CCDC85A: variants seen among roughly 807,000 people sequenced by gnomAD.
CCDC85A encodes the protein coiled-coil domain-containing protein 85A.
CCDC85A carries 38 observed loss-of-function variants against 50.2 expected under a neutral mutation model. The observed-to-expected ratio is 0.76, with a 90% CI of 0.58 to 0.99. The LOEUF (loss-of-function observed/expected upper bound fraction) is 0.99. Ranked by LOEUF, CCDC85A falls within the 50% of genes least tolerant of loss-of-function variation. The pLI is 0.00. For missense variants in CCDC85A, 820 were observed against 742.0 expected, an observed-to-expected ratio of 1.11 and a Z score of -1.22; for synonymous variants, 366 against 301.4, an observed-to-expected ratio of 1.21 and a Z score of -2.22.
intron 2 of CCDC85A, among the ~76,000 whole-genome samples, chr2:56,218,289 A>G (rs1466848916): frequency 2.0e-5 from 3 of 151,858 alleles, no homozygotes; most frequent in African/African-American, 7.3e-5. Flanking sequence ...ATATATGTAA[A>G]AGAAAGAATA....
intron 3 of CCDC85A, among the ~76,000 whole-genome samples, chr2:56,345,239 G>A (rs180852591): frequency 6.6e-6 from 1 of 152,220 alleles, no homozygotes; most frequent in African/African-American, 2.4e-5. Flanking sequence ...GAAAGATCAT[G>A]TTTTATTGAT....
At chr2:56,277,840 T>C (rs1313884161) in intron 2 of CCDC85A, among the ~76,000 whole-genome samples, 1 of 152,256 alleles carries the variant, frequency 6.6e-6, no homozygotes, top group East Asian at 1.9e-4. Context: ...CCCTAGGTTC[T>C]ACAAGATGGT....
chr2:56,188,920 C>T (rs1176180022), intron 1 of CCDC85A, among the ~76,000 whole-genome samples: 1 of 152,206 alleles, frequency 6.6e-6, no homozygotes, highest in Non-Finnish European at 1.5e-5. Context: ...AGACCCTGCT[C>T]TCCAGAAGCT....
chr2:56,331,568 A>G (rs1255618969), intron 2 of CCDC85A, among the ~76,000 whole-genome samples: 1 of 152,176 alleles, frequency 6.6e-6, no homozygotes, highest in Admixed American at 6.5e-5. Context: ...CTTTGGGAAG[A>G]TTGGGGGGTT....
chr2:56,340,497 G>T (rs540833630), intron 2 of CCDC85A, among the ~76,000 whole-genome samples: 84 of 152,280 alleles, frequency 5.5e-4, no homozygotes, highest in Admixed American at 8.5e-4. Context: ...AGCAGCCCCA[G>T]TTCTTGCCCC....
At chr2:56,309,819 G>A (rs572797188) in intron 2 of CCDC85A, among the ~76,000 whole-genome samples, 8 of 152,246 alleles carry the variant, frequency 5.3e-5, no homozygotes, top group African/African-American at 2.4e-5. Flanking sequence ...TTTTGGCAGC[G>A]GGGTTTGAGG....
chr2:56,374,358 A>C (rs1676232163), intron 4 of CCDC85A, among the ~76,000 whole-genome samples: 1 of 152,216 alleles, frequency 6.6e-6, no homozygotes, highest in South Asian at 2.1e-4. Context: ...GCAAGAAAGA[A>C]AGGGAGAAAA....
intron 2 of CCDC85A, among the ~76,000 whole-genome samples, chr2:56,243,029 G>GT (rs1342115888): frequency 1.4e-4 from 21 of 150,372 alleles, no homozygotes; most frequent in South Asian, 4.2e-4. Flanking sequence ...TTTCTGTGTT[G>GT]TTTTTTTTTC....
chr2:56,342,791 G>T, intron 2 of CCDC85A, 88 bp from the exon 3 acceptor site: 1 of 777,764 alleles, frequency 1.3e-6, no homozygotes, highest in South Asian at 1.9e-5. Flanking sequence ...GTCACTGTCT[G>T]ATTTGAATAA....
intron 2 of CCDC85A, among the ~76,000 whole-genome samples, chr2:56,227,501 G>T (rs1462547827): frequency 1.3e-5 from 2 of 152,164 alleles, no homozygotes; most frequent in Non-Finnish European, 2.9e-5. Flanking sequence ...AGTGTTCCAA[G>T]CGGGAATTGG....
chr2:56,206,749 C>T (rs775964617), intron 2 of CCDC85A, among the ~76,000 whole-genome samples: 4 of 152,142 alleles, frequency 2.6e-5, no homozygotes, highest in South Asian at 2.1e-4. Flanking sequence ...CAAACCACAG[C>T]ATTAAGGGTT....
chr2:56,354,982 T>C (rs1174424475), intron 3 of CCDC85A, among the ~76,000 whole-genome samples: 1 of 152,140 alleles, frequency 6.6e-6, no homozygotes, highest in African/African-American at 2.4e-5. Context: ...ATGATAACAG[T>C]GTTCTCCATG....
intron 2 of CCDC85A, among the ~76,000 whole-genome samples, chr2:56,230,594 C>G (rs1185992966): frequency 1.3e-5 from 2 of 152,190 alleles, no homozygotes; most frequent in Non-Finnish European, 2.9e-5. Context: ...CATGGCTGAT[C>G]CTCCTTGTCA....
chr2:56,327,175 A>G (rs1029602769), intron 2 of CCDC85A, among the ~76,000 whole-genome samples: 12 of 152,224 alleles, frequency 7.9e-5, no homozygotes, highest in African/African-American at 2.4e-4. Flanking sequence ...TAGAAAGACT[A>G]TCTTAGCTGC....
In CCDC85A at chr2:56,309,305, C is replaced by T. The variant is rs571959559; in HGVS notation, c.1241-33574C>T. Among the ~76,000 whole-genome samples, 37 of 152,264 alleles carry T rather than the reference C, an allele frequency of 2.4e-4. No individual in the cohort carries two copies. In the South Asian group the frequency reaches 3.3e-3, roughly 14 times the overall value. On this transcript the variant is annotated intron_variant, in intron 2 of 5. Coordinates refer to ENST00000407595, the MANE Select transcript of CCDC85A (RefSeq NM_001080433.2). ...AGCTCTTAAATCTAATAAGCAGCTA[C>T]ACAGATCGTAGCAGTTTTGCAGATG...
At chr2:56,206,613 T>C (rs1157888976) in intron 2 of CCDC85A, among the ~76,000 whole-genome samples, 1 of 152,152 alleles carries the variant, frequency 6.6e-6, no homozygotes, top group African/African-American at 2.4e-5. Flanking sequence ...ACTCCCATGA[T>C]AACAATATTA....
chr2:56,368,256 C>T (rs1227770661), intron 3 of CCDC85A, among the ~76,000 whole-genome samples: 1 of 152,164 alleles, frequency 6.6e-6, no homozygotes, highest in African/African-American at 2.4e-5. Context: ...TTGGATATAA[C>T]CGACTAAATA....
At chr2:56,343,247 CGATAGTACTACTCA>C (rs1381984486) in intron 3 of CCDC85A, among the ~76,000 whole-genome samples, 1 of 151,918 alleles carries the variant, frequency 6.6e-6, no homozygotes, top group Non-Finnish European at 1.5e-5. Context: ...AAAGACATGT[CGATAGTACTACTCA>C]TATACACCAT....
chr2:56,341,641 C>T (rs1343090430), intron 2 of CCDC85A, among the ~76,000 whole-genome samples: 1 of 152,140 alleles, frequency 6.6e-6, no homozygotes, highest in South Asian at 2.1e-4. Flanking sequence ...ACCTGTGACC[C>T]CTTTTCCTGA....
Sources: gnomAD v4.1 joint callset for allele counts (sites outside exome capture counted in the v4.1 genomes callset) on GRCh38, gnomAD v4.1.1 for gene constraint, MANE v1.5 for transcripts, NCBI Gene and HGNC (gene_info 2026-07-23, HGNC 2026-07-21) for gene names.